RDM1: variants seen among roughly 807,000 people sequenced by gnomAD.
RDM1 encodes RAD52 motif containing 1.
In RDM1, 28 loss-of-function variants were observed where a neutral mutation model predicts 27.7. The observed-to-expected ratio is 1.01, with a 90% CI of 0.75 to 1.39. The LOEUF (loss-of-function observed/expected upper bound fraction) is 1.39, where lower values mean the gene tolerates loss of function less well. Ranked by LOEUF, RDM1 falls within the 40% of genes most tolerant of loss-of-function variation. RDM1 has a pLI of 0.00. For missense variants in RDM1, 277 were observed against 337.3 expected (o/e 0.82, Z 1.40); for synonymous variants, 124 against 127.5 (o/e 0.97, Z 0.19).
chr17:35,928,136 CAAGATTAGTAGG>C (rs2089210580), intron 2 of RDM1, among the ~76,000 whole-genome samples: 1 of 151,902 alleles, frequency 6.6e-6, no homozygotes, highest in Admixed American at 6.6e-5. Flanking sequence ...GAATAGGCAG[CAAGATTAGTAGG>C]AAGCAGTCAG....
At chr17:35,918,900 G>A (rs955961737) in intron 6 of RDM1, among the ~76,000 whole-genome samples, 1 of 152,160 alleles carries the variant, frequency 6.6e-6, no homozygotes, top group Non-Finnish European at 1.5e-5. Context: ...CTCTAAGAAC[G>A]TGCTTCATCT....
intron 6 of RDM1, among the ~76,000 whole-genome samples, chr17:35,918,673 C>T (rs1338619600): frequency 6.6e-6 from 1 of 152,116 alleles, no homozygotes; most frequent in Non-Finnish European, 1.5e-5. Flanking sequence ...AACTGTCATC[C>T]TGCCTTGACT....
chr17:35,929,567 G>A (rs142050906), intron 2 of RDM1, among the ~76,000 whole-genome samples: 27 of 152,062 alleles, frequency 1.8e-4, no homozygotes, highest in African/African-American at 6.3e-4. Flanking sequence ...TCAGCCTCCC[G>A]AGTAGCTGGG....
At chr17:35,921,614 C>T (rs2088947834) in intron 5 of RDM1, among the ~76,000 whole-genome samples, 1 of 152,194 alleles carries the variant, frequency 6.6e-6, no homozygotes. Flanking sequence ...CCCAATGTGT[C>T]AGTGCCAGAA....
At chr17:35,927,212 G>A (rs376552451) in intron 2 of RDM1, among the ~76,000 whole-genome samples, 6 of 151,854 alleles carry the variant, frequency 4.0e-5, no homozygotes, top group South Asian at 2.1e-4. Context: ...AGGCCGAGGC[G>A]GCAGATCACT....
chr17:35,920,678 C>A (rs1008323105), intron 5 of RDM1, among the ~76,000 whole-genome samples: 18 of 151,806 alleles, frequency 1.2e-4, no homozygotes, highest in Non-Finnish European at 2.2e-4. Context: ...TGGTCTTGAA[C>A]CCCTGGCTTT....
At chr17:35,922,946 CA>C (rs1000678148) in intron 4 of RDM1, among the ~76,000 whole-genome samples, 2 of 152,098 alleles carry the variant, frequency 1.3e-5, no homozygotes, top group African/African-American at 4.8e-5. Flanking sequence ...CCAGAGATTT[CA>C]AATTGATCAG....
intron 5 of RDM1, among the ~76,000 whole-genome samples, chr17:35,920,828 T>G (rs992605098): frequency 3.9e-5 from 6 of 152,204 alleles, no homozygotes; most frequent in African/African-American, 1.4e-4. Flanking sequence ...ATCTTACAGA[T>G]AGGAACTAAG....
intron 6 of RDM1, among the ~76,000 whole-genome samples, 178 bp downstream of exon 6, chr17:35,920,009 G>T (rs947158167): frequency 6.6e-6 from 1 of 152,136 alleles, no homozygotes; most frequent in African/African-American, 2.4e-5. Context: ...CTTCAAATAA[G>T]CGGTCAGAGC....
intron 5 of RDM1, chr17:35,922,247 G>A (rs919039509): frequency 4.8e-5 from 12 of 251,284 alleles, no homozygotes; most frequent in African/African-American, 9.0e-5. Context: ...CTAAGAGACA[G>A]AGTTAGGACT....
chr17:35,920,189 G>T lies in RDM1; in HGVS notation c.751C>A (p.Gln251Lys). The T allele has an allele frequency of 2.6e-6, 4 of 1,536,576 alleles. No individual in the cohort carries two copies. The highest frequency in any genetic ancestry group is 1.1e-5 in the South Asian group (1 of 87,516). The change falls in exon 6 of 7, where the codon CAA (glutamine) becomes AAA (lysine). Residue 251 changes from glutamine to lysine, a missense_variant and splice_region_variant. By Grantham distance (53) the Gln-to-Lys change is moderately conservative (BLOSUM62 1). Coordinates refer to ENST00000620284, the MANE Select transcript of RDM1 (RefSeq NM_145654.4). ...RCEEELHGLI[Q>K]VPCSPWKQYG... Reference sequence around the variant, plus strand: ...CCTGAGTTTTTATCTTCACATACTTGAATTAAACCGTGTAGTTCTTCTTCG... The same window carrying T: ...CCTGAGTTTTTATCTTCACATACTTTAATTAAACCGTGTAGTTCTTCTTCG...
chr17:35,926,497 A>G (rs2089154434), intron 2 of RDM1, among the ~76,000 whole-genome samples: 1 of 151,832 alleles, frequency 6.6e-6, no homozygotes, highest in Non-Finnish European at 1.5e-5. Context: ...TCCGCCTGCC[A>G]GGTTCACGCC....
intron 3 of RDM1, among the ~76,000 whole-genome samples, chr17:35,925,153 C>T (rs2214606): frequency 0.027 from 4,048 of 152,002 alleles, 177 homozygotes; most frequent in African/African-American, 0.092. Context: ...CAAAACAAAA[C>T]AAAAACCCAA....
In RDM1 at chr17:35,930,705, G is replaced by A. The variant is rs1465689384; in HGVS notation, c.23C>T (p.Ala8Val). The A allele has an allele frequency of 1.9e-6, 3 of 1,613,624 alleles. No individual in the cohort carries two copies. Among genetic ancestry groups the A allele is most frequent in the East Asian group, 2.2e-5 (1 of 44,818 alleles). Residue 8 changes from alanine (A) to valine (V), a missense_variant, in exon 1 of 7, where the codon GCG (alanine) becomes GTG (valine). Coordinates refer to ENST00000620284, the MANE Select transcript of RDM1 (RefSeq NM_145654.4). ...GGTTTTGTCACTCTCGATGGGAACC[G>A]CAAAAGGTACCAACTCCGCCATCCT... Reference protein sequence around the residue: MAELVPFAVPIESDKTLL... With the variant: MAELVPFVVPIESDKTLL...
chr17:35,925,970 G>A (rs939574137), intron 2 of RDM1, among the ~76,000 whole-genome samples: 5 of 151,832 alleles, frequency 3.3e-5, no homozygotes, highest in East Asian at 1.9e-4. Flanking sequence ...CCGTCTCTAC[G>A]AAAAATACTA....
chr17:35,924,796 T>A, intron 3 of RDM1, 24 bp from the exon 4 acceptor site: 1 of 1,610,386 alleles, frequency 6.2e-7, no homozygotes, highest in Non-Finnish European at 8.5e-7. Flanking sequence ...TAATGTAAGG[T>A]CCTTCCTGGG....
At position 35,930,254 on chromosome 17, in the gene RDM1, T is replaced by C. The variant is rs1385042062; in HGVS notation, c.98A>G (p.His33Arg). ...SSGPTAEALH[H>R]SLFTAFSQFG... Reference sequence around the variant, plus strand: ...CTGAGAAAATGCTGTGAACAGAGAATGCTGTGGGGGTGGGACAAGTAAATG... The same window carrying C: ...CTGAGAAAATGCTGTGAACAGAGAACGCTGTGGGGGTGGGACAAGTAAATG... The change falls in exon 2 of 7, where the codon CAT becomes CGT. Residue 33 changes from histidine (H) to arginine (R), a missense_variant and splice_region_variant. Transcript: ENST00000620284. 1.2e-6 allele frequency: 2 copies of C among 1,614,078 alleles called. No individual in the cohort carries two copies. Among genetic ancestry groups the C allele is most frequent in the Non-Finnish European group, 1.7e-6 (2 of 1,180,034 alleles).
intron 6 of RDM1, among the ~76,000 whole-genome samples, chr17:35,919,538 C>T (rs80314171): frequency 0.021 from 3,140 of 151,966 alleles, 66 homozygotes; most frequent in East Asian, 0.11. Context: ...TGTAACATAA[C>T]GGAAGGTATT....
In RDM1 at chr17:35,924,618, T is replaced by C; in HGVS notation, c.554A>G (p.Asp185Gly). ...PGIGLVEEPMDKVEEGPLSFL... is the reference protein window; with the variant it reads ...PGIGLVEEPMGKVEEGPLSFL... ...TGAAAACAGACCTTCCTCCACCTTATCCATAGGCTCCTCCACCAAGCCAAT... is the reference window on the plus strand; with the variant it reads ...TGAAAACAGACCTTCCTCCACCTTACCCATAGGCTCCTCCACCAAGCCAAT... Residue 185 changes from aspartate to glycine, a missense_variant, in exon 4 of 7, where the codon GAT becomes GGT. By Grantham distance (94) the Asp-to-Gly change is moderately conservative (BLOSUM62 -1). Transcript: ENST00000620284. 6.2e-7 allele frequency: 1 copy of C among 1,613,620 alleles called. No homozygotes were observed.
Sources: gnomAD v4.1 joint callset for allele counts (sites outside exome capture counted in the v4.1 genomes callset) on GRCh38, gnomAD v4.1.1 for gene constraint, MANE v1.5 for transcripts, NCBI Gene and HGNC (gene_info 2026-07-23, HGNC 2026-07-21) for gene names.